The following RHBDL3 variants were observed in gnomAD, a reference collection of about 807,000 sequenced individuals.
RHBDL3 encodes rhomboid-related protein 3.
Under a neutral mutation model 48.2 loss-of-function variants are expected in RHBDL3, and 28 were observed. The ratio of observed to expected loss-of-function variants is 0.58; its 90% CI spans 0.43 to 0.80. The LOEUF (loss-of-function observed/expected upper bound fraction) is 0.80. Among genes scored for constraint, RHBDL3 ranks in the 30% least tolerant of loss-of-function variants. The probability of loss-of-function intolerance (pLI) is 0.00; values close to 1 mark genes in which losing one functional copy is unlikely to be tolerated. For missense variants in RHBDL3, 464 were observed against 542.7 expected, an observed-to-expected ratio of 0.85 and a Z score of 1.44; for synonymous variants, 208 against 232.3, an observed-to-expected ratio of 0.90 and a Z score of 0.95.
chr17:32,301,397 A>G (rs1203133871), intron 6 of RHBDL3, among the ~76,000 whole-genome samples: 2 of 145,566 alleles, frequency 1.4e-5, no homozygotes, highest in East Asian at 4.1e-4. Flanking sequence ...TGAGACCCCC[A>G]TCTCTACCAA....
chr17:32,310,619 A>G (rs1567787454), intron 7 of RHBDL3, among the ~76,000 whole-genome samples: 1 of 152,178 alleles, frequency 6.6e-6, no homozygotes, highest in African/African-American at 2.4e-5. Flanking sequence ...AGGCTGAGGC[A>G]GAAGAATCGC....
intron 5 of RHBDL3, among the ~76,000 whole-genome samples, chr17:32,297,077 C>G (rs1018716686): frequency 1.3e-5 from 2 of 151,830 alleles, no homozygotes; most frequent in South Asian, 4.2e-4. Flanking sequence ...TCTCGAACTC[C>G]TGACCTCAGG....
intron 6 of RHBDL3, 98 bp from the exon 7 acceptor site, chr17:32,305,243 G>GA: frequency 1.3e-6 from 1 of 798,688 alleles, no homozygotes; most frequent in South Asian, 1.4e-5. Context: ...TCTTGCTCTG[G>GA]AGTCTTAGCA....
rs547765957 is a variant in RHBDL3 at position 32,319,015 on chromosome 17, A to G, written c.944-1943A>G. Among the ~76,000 whole-genome samples the G allele has an allele frequency of 1.8e-4, 27 of 152,000 alleles. 1 individual carries two copies. The East Asian group carries it at 4.6e-3, about 26-fold the overall frequency. ...ACCTGAGGACTCCTTGAGTCAGGGT[A>G]TTAGGGTGCAGTGGGGTGGCAGTGG... On this transcript the variant is annotated intron_variant, in intron 8 of 8. Transcript: ENST00000269051.
At chr17:32,278,406 T>A (rs1435398257) in intron 2 of RHBDL3, among the ~76,000 whole-genome samples, 1 of 152,214 alleles carries the variant, frequency 6.6e-6, no homozygotes, top group Admixed American at 6.5e-5. Flanking sequence ...AATCCTGAAC[T>A]ATTTCTGTCT....
chr17:32,271,900 G>A (rs1311341985), intron 2 of RHBDL3, among the ~76,000 whole-genome samples: 2 of 152,194 alleles, frequency 1.3e-5, no homozygotes, highest in South Asian at 4.1e-4. Flanking sequence ...ATAAACATGT[G>A]CTACGATGAA....
At chr17:32,269,086 G>A (rs8065883) in intron 2 of RHBDL3, among the ~76,000 whole-genome samples, 28,957 of 152,076 alleles carry the variant, frequency 0.19, 3,171 homozygotes, top group African/African-American at 0.29. Context: ...GGTGACTCAC[G>A]CTTGTAATCC....
chr17:32,270,920 G>A (rs1309856218), intron 2 of RHBDL3, among the ~76,000 whole-genome samples: 2 of 152,118 alleles, frequency 1.3e-5, no homozygotes, highest in Non-Finnish European at 2.9e-5. Flanking sequence ...TTATTTTTCT[G>A]ACTGGGTGCT....
chr17:32,273,125 C>T lies in RHBDL3; in HGVS notation c.135+5200C>T, dbSNP rs1026686780. On this transcript the variant is annotated intron_variant, in intron 2 of 8. Transcript: ENST00000269051. The stretch of plus-strand genomic sequence containing the variant: ...AGGCGATTCTCCTACCTCAACCTCC[C>T]GAGTAGCTGGGATTACAGGTGCCTG... Among the ~76,000 whole-genome samples, 18 of 152,178 alleles carry T rather than the reference C, an allele frequency of 1.2e-4. 1 individual carries two copies. In the South Asian group the frequency reaches 1.2e-3, roughly 11 times the overall value.
chr17:32,294,546 T>G (rs1246556574), intron 5 of RHBDL3, 104 bp downstream of exon 5: 1 of 1,174,970 alleles, frequency 8.5e-7, no homozygotes, highest in African/African-American at 1.6e-5. Context: ...TTTATCTATT[T>G]GGACATAGGA....
chr17:32,274,113 G>A (rs746518238), intron 2 of RHBDL3, among the ~76,000 whole-genome samples: 6 of 152,218 alleles, frequency 3.9e-5, no homozygotes, highest in Non-Finnish European at 8.8e-5. Context: ...TGCTTTAGGG[G>A]AGAAGCTGAA....
intron 2 of RHBDL3, among the ~76,000 whole-genome samples, chr17:32,272,178 T>G (rs1276913954): frequency 1.3e-5 from 2 of 152,240 alleles, no homozygotes; most frequent in Non-Finnish European, 2.9e-5. Context: ...AGAATCAGAA[T>G]TTGCTTGGAG....
intron 6 of RHBDL3, among the ~76,000 whole-genome samples, chr17:32,299,058 T>TC (rs1272142230): frequency 2.0e-5 from 3 of 151,782 alleles, no homozygotes; most frequent in Non-Finnish European, 4.4e-5. Context: ...TTTTTTTTTT[T>TC]TTTTTAACAA....
chr17:32,301,614 A>G (rs2040585103), intron 6 of RHBDL3, among the ~76,000 whole-genome samples: 1 of 152,060 alleles, frequency 6.6e-6, no homozygotes, highest in Admixed American at 6.6e-5. Flanking sequence ...TGAGATGGGG[A>G]GTTTGAGACC....
chr17:32,271,386 AGG>A (rs1324048622), intron 2 of RHBDL3, among the ~76,000 whole-genome samples: 56 of 152,318 alleles, frequency 3.7e-4, no homozygotes, highest in African/African-American at 1.3e-3. Context: ...AATTTTGCAC[AGG>A]TAATGTCCCC....
rs1296063947 is a variant in RHBDL3 at position 32,324,270 on chromosome 17, C to T, written c.*3041C>T. ...TTAGGAAAAGCTCCCTAATGAGGCT[C>T]TTTTGCCAGCTAATAGGACTCTCGA... On this transcript the variant is annotated 3_prime_UTR_variant, in exon 9 of 9. Coordinates refer to ENST00000269051, the MANE Select transcript of RHBDL3 (RefSeq NM_138328.3). The T allele has an allele frequency of 2.0e-5, 3 of 152,626 alleles. No individual in the cohort carries two copies. The highest frequency in any genetic ancestry group is 4.4e-5 in the Non-Finnish European group (3 of 68,046). 9.5% of individuals were successfully genotyped at this position (152,626 alleles called of 1,614,324 possible). A position where few individuals can be genotyped will look rare whatever the true frequency, so the allele number is the denominator to read the frequency against.
chr17:32,270,895 C>T (rs531137503), intron 2 of RHBDL3, among the ~76,000 whole-genome samples: 1 of 152,058 alleles, frequency 6.6e-6, no homozygotes, highest in Non-Finnish European at 1.5e-5. Flanking sequence ...AGTATAATAT[C>T]GTAGTAAAGA....
intron 1 of RHBDL3, among the ~76,000 whole-genome samples, chr17:32,267,264 A>G (rs1479984180): frequency 6.6e-6 from 1 of 152,164 alleles, no homozygotes; most frequent in East Asian, 1.9e-4. Context: ...AACCCCTGGC[A>G]GAATCTGATG....
At chr17:32,313,720 T>G (rs2040897639) in intron 7 of RHBDL3, among the ~76,000 whole-genome samples, 1 of 151,912 alleles carries the variant, frequency 6.6e-6, no homozygotes. Flanking sequence ...CCAGGTTTAT[T>G]CATGCTGTAA....
Sources: gnomAD v4.1 joint callset for allele counts (sites outside exome capture counted in the v4.1 genomes callset) on GRCh38, gnomAD v4.1.1 for gene constraint, MANE v1.5 for transcripts, NCBI Gene and HGNC (gene_info 2026-07-23, HGNC 2026-07-21) for gene names.